The following GPR160 variants were observed in gnomAD, a reference collection of about 807,000 sequenced individuals.
The protein encoded by GPR160 is G protein-coupled receptor 160.
Under a neutral mutation model 2.6 loss-of-function variants are expected in GPR160, and 2 were observed. The observed-to-expected ratio is 0.77, with a 90% CI of 0.32 to 2.44. GPR160 has a LOEUF of 2.44. Ranked by LOEUF, GPR160 falls within the 30% of genes most tolerant of loss-of-function variation. The probability of loss-of-function intolerance (pLI) is 0.11; values close to 1 mark genes in which losing one functional copy is unlikely to be tolerated. For synonymous variants in GPR160, 130 were observed against 132.2 expected, an observed-to-expected ratio of 0.98 and a Z score of 0.12; for missense variants, 351 against 383.6, an observed-to-expected ratio of 0.91 and a Z score of 0.71.
At chr3:170,071,374 A>C (rs887653909) in intron 2 of GPR160, among the ~76,000 whole-genome samples, 32 of 152,184 alleles carry the variant, frequency 2.1e-4, no homozygotes, top group Non-Finnish European at 4.0e-4. Context: ...TGCTCTCGCC[A>C]TGTGAGATGC....
At chr3:170,070,964 T>A (rs1712559891) in intron 2 of GPR160, among the ~76,000 whole-genome samples, 1 of 152,222 alleles carries the variant, frequency 6.6e-6, no homozygotes, top group Admixed American at 6.5e-5. Flanking sequence ...TGGACCCCAA[T>A]CCAGATGTAG....
At chr3:170,062,039 G>A (rs970906678) in intron 2 of GPR160, among the ~76,000 whole-genome samples, 1 of 152,014 alleles carries the variant, frequency 6.6e-6, no homozygotes, top group Non-Finnish European at 1.5e-5. Flanking sequence ...ATTTTATAAG[G>A]TCTATTTTAC....
chr3:170,053,775 T>C (rs993599459), intron 2 of GPR160, among the ~76,000 whole-genome samples: 1 of 152,174 alleles, frequency 6.6e-6, no homozygotes, highest in East Asian at 1.9e-4. Flanking sequence ...GTTTCCTACT[T>C]TGCTGAGAGG....
At chr3:170,072,365 G>T (rs527924688) in intron 2 of GPR160, among the ~76,000 whole-genome samples, 2 of 152,076 alleles carry the variant, frequency 1.3e-5, no homozygotes, top group African/African-American at 4.8e-5. Context: ...ATGAACCACC[G>T]TGCCCGGCCT....
At position 170,083,867 on chromosome 3, in the gene GPR160, T is replaced by C. The variant is rs1263177248; in HGVS notation, c.-68-38T>C. The C allele has an allele frequency of 2.1e-5, 12 of 559,508 alleles. No homozygotes were observed. The South Asian group carries it at 5.0e-4, about 24-fold the overall frequency. The allele number at this position is 559,508 out of a possible 1,614,324, so 34.7% of individuals were successfully genotyped here. A position where few individuals can be genotyped will look rare whatever the true frequency, so the allele number is the denominator to read the frequency against. ...GTGCTTGCTTTGTAAAGTTTCAAAA[T>C]AGGTAACATTAAGGTTTTCTTTTCA... On this transcript the variant is annotated intron_variant, in intron 3 of 3. Transcript: ENST00000355897.
intron 2 of GPR160, among the ~76,000 whole-genome samples, chr3:170,040,383 T>C (rs541788683): frequency 4.6e-5 from 7 of 152,276 alleles, no homozygotes; most frequent in African/African-American, 1.7e-4. Flanking sequence ...CTTTGTAAAT[T>C]GGGTGTCAAG....
At chr3:170,063,180 CTT>C (rs201450289) in intron 2 of GPR160, 134 of 137,778 alleles carry the variant, frequency 9.7e-4, no homozygotes, top group Middle Eastern at 3.8e-3. Context: ...GTTTTTGTGC[CTT>C]TTTTTTTTTT....
intron 2 of GPR160, among the ~76,000 whole-genome samples, chr3:170,065,957 A>G (rs1055485257): frequency 5.3e-5 from 8 of 151,304 alleles, no homozygotes; most frequent in Non-Finnish European, 7.4e-5. Flanking sequence ...GGGTCTCGCT[A>G]TGTTGCCCAG....
chr3:170,058,643 A>G (rs370922052), intron 2 of GPR160, among the ~76,000 whole-genome samples: 1 of 152,234 alleles, frequency 6.6e-6, no homozygotes, highest in Non-Finnish European at 1.5e-5. Flanking sequence ...AATTGGCAAT[A>G]TCTAACAAAA....
intron 2 of GPR160, among the ~76,000 whole-genome samples, chr3:170,065,521 T>C (rs1371289128): frequency 2.0e-5 from 3 of 152,220 alleles, no homozygotes; most frequent in Non-Finnish European, 4.4e-5. Context: ...CATGTATTGC[T>C]CTCCTAGTTT....
At chr3:170,082,477 T>C (rs192226077) in intron 3 of GPR160, among the ~76,000 whole-genome samples, 1 of 152,350 alleles carries the variant, frequency 6.6e-6, no homozygotes, top group Admixed American at 6.5e-5. Context: ...TTCTGAGCAC[T>C]GACCTGATGC....
chr3:170,046,564 T>C (rs775217956), intron 2 of GPR160, among the ~76,000 whole-genome samples: 10 of 152,302 alleles, frequency 6.6e-5, no homozygotes, highest in Non-Finnish European at 1.0e-4. Flanking sequence ...CAACATTTTA[T>C]GAAATCCTGA....
intron 2 of GPR160, among the ~76,000 whole-genome samples, chr3:170,067,291 C>T (rs1345401401): frequency 6.6e-6 from 1 of 152,164 alleles, no homozygotes; most frequent in Non-Finnish European, 1.5e-5. Context: ...AAGCGTGAGC[C>T]GTCGTGCCAG....
intron 3 of GPR160, among the ~76,000 whole-genome samples, chr3:170,082,881 C>T (rs1308164728): frequency 6.6e-6 from 1 of 152,052 alleles, no homozygotes; most frequent in Non-Finnish European, 1.5e-5. Flanking sequence ...AGGCAAGAGC[C>T]ACCACACCCA....
At chr3:170,043,521 G>A (rs1052247011) in intron 2 of GPR160, among the ~76,000 whole-genome samples, 1 of 152,136 alleles carries the variant, frequency 6.6e-6, no homozygotes, top group Non-Finnish European at 1.5e-5. Context: ...TCTAGGTTGG[G>A]TATTATCAGT....
chr3:170,051,780 C>T (rs1456760758), intron 2 of GPR160, among the ~76,000 whole-genome samples: 1 of 152,100 alleles, frequency 6.6e-6, no homozygotes, highest in African/African-American at 2.4e-5. Flanking sequence ...TCCCCAGACC[C>T]ATGACTTTTT....
intron 3 of GPR160, 56 bp from the exon 4 acceptor site, chr3:170,083,849 C>A: frequency 2.0e-6 from 1 of 489,876 alleles, no homozygotes; most frequent in Non-Finnish European, 3.6e-6. Context: ...GTGGTGCTTG[C>A]TTTGTAAAGT....
At chr3:170,047,906 CGG>C (rs1716794519) in intron 2 of GPR160, among the ~76,000 whole-genome samples, 1 of 143,888 alleles carries the variant, frequency 6.9e-6, no homozygotes, top group Non-Finnish European at 1.5e-5. Context: ...GGCCCAATGT[CGG>C]CTCACTGCAA....
intron 3 of GPR160, among the ~76,000 whole-genome samples, chr3:170,080,951 T>C (rs1337382012): frequency 6.6e-6 from 1 of 152,202 alleles, no homozygotes. Flanking sequence ...TCTACCCACC[T>C]TGGCCTCCCA....
Sources: gnomAD v4.1 joint callset for allele counts (sites outside exome capture counted in the v4.1 genomes callset) on GRCh38, gnomAD v4.1.1 for gene constraint, MANE v1.5 for transcripts, NCBI Gene and HGNC (gene_info 2026-07-23, HGNC 2026-07-21) for gene names.